SGCZ: variants seen among roughly 807,000 people sequenced by gnomAD.
SGCZ encodes the protein sarcoglycan zeta, also known as zeta-sarcoglycan.
In SGCZ, 40 loss-of-function variants were observed where a neutral mutation model predicts 41.3. The observed-to-expected ratio is 0.97, with a 90% CI of 0.75 to 1.26. The LOEUF (loss-of-function observed/expected upper bound fraction) is 1.26, where lower values mean the gene tolerates loss of function less well. Ranked by LOEUF, SGCZ falls within the 50% of genes most tolerant of loss-of-function variation. SGCZ has a pLI of 0.00. For missense variants in SGCZ, 552 were observed against 369.8 expected (o/e 1.49, Z -4.04); for synonymous variants, 206 against 137.5 (o/e 1.50, Z -3.49).
chr8:15,035,038 A>G (rs1803823757), intron 1 of SGCZ, among the ~76,000 whole-genome samples: 1 of 152,172 alleles, frequency 6.6e-6, no homozygotes, highest in Non-Finnish European at 1.5e-5. Flanking sequence ...ATAAACAAGT[A>G]CATAGTCAAA....
rs180998498 is a variant in SGCZ, at chr8:14,819,304, G to A, written c.40-264378C>T. Reference sequence around the variant, plus strand: ...GAATTCTCTCAGATTTAACTTGTCTGGGAAGGTCTTTACTTTTCCTTCATT... The same window carrying A: ...GAATTCTCTCAGATTTAACTTGTCTAGGAAGGTCTTTACTTTTCCTTCATT... On this transcript the variant is annotated intron_variant, in intron 1 of 7. Coordinates refer to ENST00000382080, the MANE Select transcript of SGCZ (RefSeq NM_139167.4). Among the ~76,000 whole-genome samples, 14 of 152,190 alleles carry A rather than the reference G, an allele frequency of 9.2e-5. No homozygotes were observed. The East Asian group carries it at 2.7e-3, about 29-fold the overall frequency.
chr8:15,132,371 G>C (rs1054275586), intron 1 of SGCZ, among the ~76,000 whole-genome samples: 1 of 152,038 alleles, frequency 6.6e-6, no homozygotes, highest in Non-Finnish European at 1.5e-5. Flanking sequence ...TCAGACTATG[G>C]AGTCTAACAC....
intron 1 of SGCZ, among the ~76,000 whole-genome samples, chr8:14,810,999 C>T (rs1193696307): frequency 6.6e-6 from 1 of 151,960 alleles, no homozygotes; most frequent in African/African-American, 2.4e-5. Context: ...TGATGTACAA[C>T]ATTTTTAGTA....
chr8:14,566,007 A>G (rs909372849), intron 1 of SGCZ, among the ~76,000 whole-genome samples: 1 of 152,184 alleles, frequency 6.6e-6, no homozygotes, highest in South Asian at 2.1e-4. Context: ...TAATAAATCT[A>G]TGGGAAATTC....
At chr8:14,249,963 C>A (rs1243171793) in intron 3 of SGCZ, among the ~76,000 whole-genome samples, 1 of 152,158 alleles carries the variant, frequency 6.6e-6, no homozygotes, top group South Asian at 2.1e-4. Context: ...CCAAATAGCA[C>A]AAGACACAAC....
At chr8:15,189,735 G>A (rs1800469496) in intron 1 of SGCZ, among the ~76,000 whole-genome samples, 2 of 152,000 alleles carry the variant, frequency 1.3e-5, no homozygotes, top group Non-Finnish European at 2.9e-5. Context: ...ATTTTTAGTA[G>A]AGAAGGGGTT....
At chr8:14,990,457 C>T (rs1801971784) in intron 1 of SGCZ, among the ~76,000 whole-genome samples, 2 of 152,104 alleles carry the variant, frequency 1.3e-5, no homozygotes. Flanking sequence ...TGAGCTCCAC[C>T]TCCTGTCCCA....
At chr8:14,917,082 T>C (rs2130785508) in intron 1 of SGCZ, among the ~76,000 whole-genome samples, 1 of 152,136 alleles carries the variant, frequency 6.6e-6, no homozygotes, top group African/African-American at 2.4e-5. Context: ...TTAGATAAAA[T>C]ATGTCCTGGT....
chr8:14,265,075 A>G (rs1383791403), intron 3 of SGCZ, among the ~76,000 whole-genome samples: 2 of 152,332 alleles, frequency 1.3e-5, no homozygotes, highest in East Asian at 3.9e-4. Context: ...ACAAACATCA[A>G]GAATATTTAG....
chr8:14,937,159 G>A (rs184464168), intron 1 of SGCZ, among the ~76,000 whole-genome samples: 1 of 151,664 alleles, frequency 6.6e-6, no homozygotes, highest in African/African-American at 2.4e-5. Flanking sequence ...TTGTTCAACA[G>A]AAAAGAGAAA....
chr8:15,144,686 C>A (rs2117004675), intron 1 of SGCZ, among the ~76,000 whole-genome samples: 1 of 152,308 alleles, frequency 6.6e-6, no homozygotes, highest in Admixed American at 6.5e-5. Flanking sequence ...GAACTCCCGA[C>A]CTCAGGTGGT....
intron 1 of SGCZ, among the ~76,000 whole-genome samples, chr8:14,607,837 T>G (rs1805801831): frequency 6.6e-6 from 1 of 152,188 alleles, no homozygotes; most frequent in African/African-American, 2.4e-5. Context: ...CAGTGTAATC[T>G]CATTAATATA....
intron 2 of SGCZ, among the ~76,000 whole-genome samples, chr8:14,392,446 T>C (rs1351178910): frequency 6.6e-6 from 1 of 152,160 alleles, no homozygotes; most frequent in Non-Finnish European, 1.5e-5. Flanking sequence ...TTAAGGCTGG[T>C]TATTGCCAAA....
intron 1 of SGCZ, among the ~76,000 whole-genome samples, chr8:15,080,758 T>A (rs1166662408): frequency 1.3e-5 from 2 of 151,756 alleles, no homozygotes; most frequent in African/African-American, 4.8e-5. Flanking sequence ...GCTCAGCTAA[T>A]TTTTTTTGTA....
chr8:14,604,067 G>T (rs1023805368), intron 1 of SGCZ, among the ~76,000 whole-genome samples: 10 of 151,760 alleles, frequency 6.6e-5, no homozygotes, highest in African/African-American at 2.2e-4. Flanking sequence ...TGTTCCCCGA[G>T]AAATTATCTA....
intron 1 of SGCZ, among the ~76,000 whole-genome samples, chr8:15,092,012 C>T (rs1280761992): frequency 3.9e-5 from 6 of 152,222 alleles, no homozygotes; most frequent in Middle Eastern, 6.8e-3. Flanking sequence ...ACTCGGCCTC[C>T]CAAAGTCCTG....
At chr8:14,967,758 CCATTTA>C (rs1267723258) in intron 1 of SGCZ, among the ~76,000 whole-genome samples, 1 of 152,056 alleles carries the variant, frequency 6.6e-6, no homozygotes, top group Non-Finnish European at 1.5e-5. Context: ...CCATTTATTT[CCATTTA>C]CTAGAACAGC....
At chr8:14,607,454 T>C (rs986964970) in intron 1 of SGCZ, among the ~76,000 whole-genome samples, 2 of 152,180 alleles carry the variant, frequency 1.3e-5, no homozygotes, top group African/African-American at 4.8e-5. Flanking sequence ...TACTAGTTCA[T>C]ATCCTGAGTT....
At chr8:14,214,344 T>C (rs1285810138) in intron 4 of SGCZ, among the ~76,000 whole-genome samples, 1 of 152,152 alleles carries the variant, frequency 6.6e-6, no homozygotes, top group African/African-American at 2.4e-5. Context: ...CTACTAAATG[T>C]AGTGTGATAT....
Sources: allele counts gnomAD v4.1 joint callset (sites outside exome capture counted in the v4.1 genomes callset), GRCh38; gene constraint gnomAD v4.1.1; transcripts MANE v1.5; gene names NCBI Gene and HGNC (gene_info 2026-07-23, HGNC 2026-07-21).